Variants in MIA2 observed in about 807,000 individuals in gnomAD.
The protein encoded by MIA2 is MIA SH3 domain ER export factor 2.
MIA2 carries 127 observed loss-of-function variants against 167.8 expected under a neutral mutation model. The observed-to-expected ratio is 0.76, with a 90% CI of 0.66 to 0.88. The LOEUF (loss-of-function observed/expected upper bound fraction) is 0.88, where lower values mean the gene tolerates loss of function less well. Among genes scored for constraint, MIA2 ranks in the 40% least tolerant of loss-of-function variants. The probability of loss-of-function intolerance (pLI) is 0.00; values close to 1 mark genes in which losing one functional copy is unlikely to be tolerated. For synonymous variants in MIA2, 552 were observed against 541.9 expected (o/e 1.02, Z -0.26); for missense variants, 1,690 against 1,624.7 (o/e 1.04, Z -0.69).
chr14:39,355,793 T>G (rs572577264), downstream of MIA2, among the ~76,000 whole-genome samples: 48 of 152,358 alleles, frequency 3.2e-4, no homozygotes, highest in South Asian at 2.1e-3. Context: ...AGGCCTTTTC[T>G]GCATCTATTG....
At chr14:39,363,934 G>A (rs183691377) in intron 23 of MIA2, among the ~76,000 whole-genome samples, 2 of 152,148 alleles carry the variant, frequency 1.3e-5, no homozygotes, top group African/African-American at 4.8e-5. Flanking sequence ...TGATTTTCTT[G>A]TAGGCAGTAT....
Position 39,299,905 on chromosome 14 carries a change from A to G in MIA2, c.2538A>G (p.Glu846=), listed in dbSNP as rs147918023. 1.7e-4 allele frequency: 276 copies of G among 1,608,982 alleles called. No individual in the cohort carries two copies. The highest frequency in any genetic ancestry group is 2.2e-4 in the Non-Finnish European group (260 of 1,178,712). Residue 846 remains glutamate (E), a synonymous_variant, in exon 14 of 29, where the codon GAA becomes GAG. Transcript: ENST00000640607. ...EAEVWKEQVS[E]LNKQKVTFED... is the part of the protein sequence containing the mutation. ...AAGTATGGAAAGAACAAGTGAGTGA[A>G]CTTAATAAACAGAAAGTAACATTTG...
intron 9 of MIA2, among the ~76,000 whole-genome samples, chr14:39,290,384 T>C (rs1464546261): frequency 6.6e-6 from 1 of 152,152 alleles, no homozygotes; most frequent in African/African-American, 2.4e-5. Context: ...GAAAGGTGGA[T>C]CCAGAACAAC....
At chr14:39,347,938 G>T (rs549349533) in intron 27 of MIA2, among the ~76,000 whole-genome samples, 167 bp downstream of exon 27, 1 of 150,030 alleles carries the variant, frequency 6.7e-6, no homozygotes, top group South Asian at 2.1e-4. Context: ...TCAGCCTCCT[G>T]AGTAGCTGGG....
chr14:39,305,969 ATAAT>A (rs1489913024), intron 17 of MIA2, among the ~76,000 whole-genome samples: 1 of 151,872 alleles, frequency 6.6e-6, no homozygotes, highest in Non-Finnish European at 1.5e-5. Flanking sequence ...AATATATTAA[ATAAT>A]TAAGTGTTGG....
chr14:39,301,096 T>C (rs2062421595), intron 14 of MIA2, among the ~76,000 whole-genome samples: 1 of 150,930 alleles, frequency 6.6e-6, no homozygotes, highest in African/African-American at 2.4e-5. Context: ...CTTTCAATCT[T>C]GTCACCTAGG....
At chr14:39,363,647 C>G (rs996009157) in intron 23 of MIA2, among the ~76,000 whole-genome samples, 4 of 152,186 alleles carry the variant, frequency 2.6e-5, no homozygotes, top group Non-Finnish European at 5.9e-5. Flanking sequence ...CTGTGTCTCC[C>G]TTTGGATCTA....
intron 25 of MIA2, among the ~76,000 whole-genome samples, chr14:39,342,198 TCCCCTTCCTGTGTC>T (rs1009260181): frequency 6.9e-6 from 1 of 144,002 alleles, no homozygotes; most frequent in Admixed American, 6.9e-5. Flanking sequence ...TGTGTGATGT[TCCCCTTCCTGTGTC>T]CATGTGTTCT....
intron 6 of MIA2, 77 bp downstream of exon 6, chr14:39,253,248 G>T: frequency 6.5e-7 from 1 of 1,546,998 alleles, no homozygotes; most frequent in South Asian, 1.1e-5. Flanking sequence ...AAATATGTTT[G>T]AATGAATCCT....
chr14:39,284,440 T>C (rs1000446403), intron 9 of MIA2, among the ~76,000 whole-genome samples: 1 of 152,194 alleles, frequency 6.6e-6, no homozygotes, highest in Non-Finnish European at 1.5e-5. Flanking sequence ...CCACGTTGTT[T>C]TCGTGACTAC....
intron 25 of MIA2, among the ~76,000 whole-genome samples, chr14:39,339,309 A>T (rs746008095): frequency 2.0e-5 from 3 of 152,190 alleles, no homozygotes; most frequent in Admixed American, 6.5e-5. Flanking sequence ...AGATGACTAC[A>T]TACATTTATT....
intron 23 of MIA2, among the ~76,000 whole-genome samples, chr14:39,383,463 C>T (rs1036574146): frequency 1.3e-5 from 2 of 152,186 alleles, no homozygotes; most frequent in Non-Finnish European, 2.9e-5. Context: ...TCTCCTTGAG[C>T]CTCCCTACTT....
At chr14:39,348,592 C>T (rs2073905786) in intron 27 of MIA2, 151 bp from the exon 28 acceptor site, 6 of 1,158,564 alleles carry the variant, frequency 5.2e-6, no homozygotes, top group Non-Finnish European at 7.5e-6. Flanking sequence ...TGATACATTA[C>T]TGTGGAAAGC....
At chr14:39,360,892 C>T (rs1325956468) in intron 23 of MIA2, among the ~76,000 whole-genome samples, 1 of 152,176 alleles carries the variant, frequency 6.6e-6, no homozygotes, top group Non-Finnish European at 1.5e-5. Context: ...GTTTTCCCAA[C>T]TCGATTTATT....
chr14:39,328,321 C>CT (rs1295862649), intron 25 of MIA2, among the ~76,000 whole-genome samples: 3 of 151,872 alleles, frequency 2.0e-5, no homozygotes, highest in African/African-American at 7.3e-5. Context: ...GGGTTGTTTG[C>CT]TTTTTTCTTG....
intron 21 of MIA2, among the ~76,000 whole-genome samples, chr14:39,316,890 A>G (rs1011008126): frequency 8.5e-5 from 13 of 152,156 alleles, no homozygotes; most frequent in Non-Finnish European, 1.6e-4. Context: ...TTACAGAGAC[A>G]CTGACTTGTA....
chr14:39,386,811 C>A, intron 23 of MIA2: 5 of 987,186 alleles, frequency 5.1e-6, no homozygotes, highest in Non-Finnish European at 8.1e-6. Context: ...GTCACCATTA[C>A]TGATGACCAT....
At chr14:39,358,027 T>G (rs1342134023) in intron 23 of MIA2, among the ~76,000 whole-genome samples, 1 of 152,166 alleles carries the variant, frequency 6.6e-6, no homozygotes, top group Non-Finnish European at 1.5e-5. Context: ...GACAATTATG[T>G]GTCTTGGAGT....
rs971466151 is a variant in MIA2 at position 39,386,908 on chromosome 14, G to T, written c.2272G>T (p.Gly758Ter). 6.4e-6 allele frequency: 5 copies of T among 783,934 alleles called. No homozygotes were observed. In the African/African-American group the frequency reaches 7.0e-5, roughly 11 times the overall value. 48.6% of individuals were successfully genotyped at this position (783,934 alleles called of 1,614,324 possible). A position where few individuals can be genotyped will look rare whatever the true frequency, so the allele number is the denominator to read the frequency against. ...AGGCGCACGCTCTCCGCCCGGGGCAGGAGCCCCGGCTTCAGGTAGGGGCCT... is the reference window on the plus strand; with the variant it reads ...AGGCGCACGCTCTCCGCCCGGGGCATGAGCCCCGGCTTCAGGTAGGGGCCT... Residue 758 changes from glycine to a stop codon, truncating the protein, a stop_gained, in exon 24 of 24, where the codon GGA (glycine) becomes TGA (stop). Transcript: ENST00000341502. LOFTEE classifies it high-confidence loss of function.
Sources: gnomAD v4.1 joint callset for allele counts (sites outside exome capture counted in the v4.1 genomes callset) on GRCh38, gnomAD v4.1.1 for gene constraint, MANE v1.5 for transcripts, NCBI Gene and HGNC (gene_info 2026-07-23, HGNC 2026-07-21) for gene names.